VWC2L: variants seen among roughly 807,000 people sequenced by gnomAD.
VWC2L encodes von Willebrand factor C domain containing 2 like, also known as von Willebrand factor C domain-containing protein 2-like.
VWC2L carries 10 observed loss-of-function variants against 21.6 expected under a neutral mutation model. The observed-to-expected ratio is 0.46, with a 90% CI of 0.29 to 0.78. The LOEUF is 0.78. VWC2L is among the 30% of genes least tolerant of loss of function. VWC2L has a pLI of 0.10. For missense variants in VWC2L, 209 were observed against 277.1 expected (o/e 0.75, Z 1.74); for synonymous variants, 96 against 94.3 (o/e 1.02, Z -0.10).
At chr2:214,469,070 CTTT>C (rs1308580809) in intron 3 of VWC2L, among the ~76,000 whole-genome samples, 2 of 117,572 alleles carry the variant, frequency 1.7e-5, no homozygotes, top group East Asian at 6.9e-4. Context: ...TTTAAAACTT[CTTT>C]GTTATCAAAA....
chr2:214,521,453 T>C (rs970601518), intron 3 of VWC2L, among the ~76,000 whole-genome samples: 7 of 152,148 alleles, frequency 4.6e-5, no homozygotes, highest in African/African-American at 7.2e-5. Flanking sequence ...ATTTCCTGCT[T>C]TTTCCTCTTC....
intron 3 of VWC2L, among the ~76,000 whole-genome samples, chr2:214,549,703 G>A (rs1689762831): frequency 6.6e-6 from 1 of 152,190 alleles, no homozygotes; most frequent in Non-Finnish European, 1.5e-5. Flanking sequence ...AACCCGGGAG[G>A]CAGAGGTTGC....
intron 3 of VWC2L, among the ~76,000 whole-genome samples, chr2:214,530,430 G>T (rs1046922300): frequency 6.6e-6 from 1 of 152,128 alleles, no homozygotes. Flanking sequence ...TTAGTCATTT[G>T]CTTACAATAC....
At chr2:214,464,695 T>C in intron 3 of VWC2L, among the ~76,000 whole-genome samples, 1 of 152,270 alleles carries the variant, frequency 6.6e-6, no homozygotes, top group East Asian at 1.9e-4. Context: ...AGGTGACTAA[T>C]TCATCCAGGC....
chr2:214,536,288 G>A (rs1399650145), intron 3 of VWC2L, among the ~76,000 whole-genome samples: 1 of 152,156 alleles, frequency 6.6e-6, no homozygotes, highest in Non-Finnish European at 1.5e-5. Context: ...TTACAGGGCA[G>A]TTTCAAGTCA....
intron 2 of VWC2L, among the ~76,000 whole-genome samples, chr2:214,419,450 C>A (rs1007981803): frequency 6.6e-6 from 1 of 152,158 alleles, no homozygotes; most frequent in Non-Finnish European, 1.5e-5. Flanking sequence ...CTAGAATTAG[C>A]TTTTTTGACT....
chr2:214,547,920 C>T (rs904089437), intron 3 of VWC2L, among the ~76,000 whole-genome samples: 1 of 152,218 alleles, frequency 6.6e-6, no homozygotes, highest in Non-Finnish European at 1.5e-5. Flanking sequence ...CCAAGCAGAG[C>T]TTGTTGACTG....
At chr2:214,412,024 G>A (rs1702280727) in intron 1 of VWC2L, among the ~76,000 whole-genome samples, 1 of 148,914 alleles carries the variant, frequency 6.7e-6, no homozygotes, top group Non-Finnish European at 1.5e-5. Flanking sequence ...AATTATGAAG[G>A]CTTTTTTTTA....
At chr2:214,548,687 G>A (rs1346268923) in intron 3 of VWC2L, among the ~76,000 whole-genome samples, 3 of 152,170 alleles carry the variant, frequency 2.0e-5, no homozygotes, top group African/African-American at 7.2e-5. Context: ...GCTTTTGGTG[G>A]CCAACTATTT....
intron 3 of VWC2L, among the ~76,000 whole-genome samples, chr2:214,529,049 T>A (rs1044102629): frequency 6.6e-6 from 1 of 152,134 alleles, no homozygotes; most frequent in Non-Finnish European, 1.5e-5. Context: ...ATTCCTTAAG[T>A]GAGAAACTGG....
At chr2:214,550,221 A>G (rs1232095386) in intron 3 of VWC2L, among the ~76,000 whole-genome samples, 1 of 152,174 alleles carries the variant, frequency 6.6e-6, no homozygotes, top group African/African-American at 2.4e-5. Flanking sequence ...AAACTTGGGT[A>G]TATTCTAAAG....
chr2:214,560,362 G>T (rs1260196710), intron 3 of VWC2L, among the ~76,000 whole-genome samples: 1 of 152,092 alleles, frequency 6.6e-6, no homozygotes, highest in Admixed American at 6.5e-5. Context: ...CTTCGTTGTG[G>T]TGTGTGGGTG....
chr2:214,419,406 T>G (rs1223643763), intron 2 of VWC2L, among the ~76,000 whole-genome samples: 1 of 152,202 alleles, frequency 6.6e-6, no homozygotes, highest in African/African-American at 2.4e-5. Context: ...AATAATTTCT[T>G]ATTTTGCTCA....
Position 214,576,680 on chromosome 2 carries a change from C to T in VWC2L, c.*860C>T, listed in dbSNP as rs1312408542. ...GCTAAACACACTCTAAACTCACTGT[C>T]ATCAGGCAATATAAATACCAGAACC... On this transcript the variant is annotated 3_prime_UTR_variant, in exon 4 of 4. Coordinates refer to ENST00000312504, the MANE Select transcript of VWC2L (RefSeq NM_001080500.4). 2.6e-5 allele frequency: 4 copies of T among 152,178 alleles called. No individual in the cohort carries two copies. The highest frequency in any genetic ancestry group is 9.7e-5 in the African/African-American group (4 of 41,442). The allele number at this position is 152,178 out of a possible 1,614,324, so 9.4% of individuals were successfully genotyped here.
chr2:214,477,714 A>T (rs1028941571), intron 3 of VWC2L, among the ~76,000 whole-genome samples: 1 of 152,214 alleles, frequency 6.6e-6, no homozygotes, highest in African/African-American at 2.4e-5. Context: ...CAGAATTTGA[A>T]CCTAGTCAGG....
intron 3 of VWC2L, among the ~76,000 whole-genome samples, chr2:214,520,058 TACAC>T (rs60850327): frequency 3.1e-4 from 44 of 143,252 alleles, no homozygotes; most frequent in African/African-American, 4.3e-4. Context: ...GCTCCTGTTA[TACAC>T]ACACACACAC....
chr2:214,419,914 C>T (rs968669601), intron 2 of VWC2L, among the ~76,000 whole-genome samples: 2 of 152,086 alleles, frequency 1.3e-5, no homozygotes, highest in Non-Finnish European at 2.9e-5. Flanking sequence ...CAAAAATTAG[C>T]TGGGTGTGGT....
chr2:214,459,609 G>C (rs1185945495), intron 3 of VWC2L, among the ~76,000 whole-genome samples: 1 of 152,112 alleles, frequency 6.6e-6, no homozygotes, highest in African/African-American at 2.4e-5. Context: ...TCACTACCAG[G>C]TGTAGGACTC....
At chr2:214,541,249 C>T (rs905277297) in intron 3 of VWC2L, among the ~76,000 whole-genome samples, 3 of 151,644 alleles carry the variant, frequency 2.0e-5, no homozygotes, top group Non-Finnish European at 2.9e-5. Context: ...TTTTAATTGT[C>T]TCATTTTGTT....
Sources: allele counts gnomAD v4.1 joint callset (sites outside exome capture counted in the v4.1 genomes callset), GRCh38; gene constraint gnomAD v4.1.1; transcripts MANE v1.5; gene names NCBI Gene and HGNC (gene_info 2026-07-23, HGNC 2026-07-21).